PKNOX2: variants seen among roughly 807,000 people sequenced by gnomAD.
The protein encoded by PKNOX2 is PBX/knotted 1 homeobox 2.
Under a neutral mutation model 53.1 loss-of-function variants are expected in PKNOX2, and 14 were observed. The observed-to-expected ratio is 0.26, with a 90% CI of 0.17 to 0.41. The LOEUF is 0.41. Ranked by LOEUF, PKNOX2 falls within the 10% of genes least tolerant of loss-of-function variation. PKNOX2 has a pLI of 1.00. For synonymous variants in PKNOX2, 257 were observed against 242.8 expected, an observed-to-expected ratio of 1.06 and a Z score of -0.54; for missense variants, 496 against 602.8, an observed-to-expected ratio of 0.82 and a Z score of 1.85.
At chr11:125,309,361 G>C (rs11220017) in intron 2 of PKNOX2, among the ~76,000 whole-genome samples, 25,720 of 148,030 alleles carry the variant, frequency 0.17, 2,698 homozygotes, top group East Asian at 0.52. Context: ...CACCCATACA[G>C]TTTGCATTTT....
intron 1 of PKNOX2, among the ~76,000 whole-genome samples, chr11:125,189,383 G>A (rs11219961): frequency 8.7e-5 from 11 of 125,930 alleles, no homozygotes; most frequent in South Asian, 2.6e-4. Flanking sequence ...ATATATATAT[G>A]TGTGTATATA....
chr11:125,274,706 C>G (rs1946043416), intron 2 of PKNOX2, among the ~76,000 whole-genome samples: 1 of 152,150 alleles, frequency 6.6e-6, no homozygotes, highest in Non-Finnish European at 1.5e-5. Context: ...TGTCTACTCT[C>G]TTAGATGCTA....
intron 10 of PKNOX2, among the ~76,000 whole-genome samples, chr11:125,415,539 G>A (rs1002707379): frequency 7.2e-5 from 11 of 152,004 alleles, no homozygotes; most frequent in African/African-American, 1.9e-4. Flanking sequence ...CTTACAGGAC[G>A]AAGGGGCATG....
At chr11:125,265,849 G>A (rs1053043689) in intron 2 of PKNOX2, among the ~76,000 whole-genome samples, 3 of 152,032 alleles carry the variant, frequency 2.0e-5, no homozygotes, top group Non-Finnish European at 4.4e-5. Flanking sequence ...AGAGGAATAG[G>A]CGTTCCTCTC....
intron 3 of PKNOX2, among the ~76,000 whole-genome samples, chr11:125,332,403 T>C (rs1042819202): frequency 6.6e-6 from 1 of 152,190 alleles, no homozygotes; most frequent in Admixed American, 6.5e-5. Flanking sequence ...TTTTGATGCA[T>C]GGAAACTGCA....
chr11:125,184,762 G>A (rs887824582), intron 1 of PKNOX2, among the ~76,000 whole-genome samples: 3 of 152,176 alleles, frequency 2.0e-5, no homozygotes, highest in African/African-American at 7.2e-5. Context: ...TCGGAGGCTG[G>A]CTAGGCTGGC....
chr11:125,303,633 G>A (rs1186245504), intron 2 of PKNOX2, among the ~76,000 whole-genome samples: 1 of 152,144 alleles, frequency 6.6e-6, no homozygotes, highest in East Asian at 1.9e-4. Context: ...TCCTTATCAG[G>A]AAACCCACCC....
At chr11:125,315,420 G>C (rs1034194348) in intron 2 of PKNOX2, among the ~76,000 whole-genome samples, 1 of 151,978 alleles carries the variant, frequency 6.6e-6, no homozygotes, top group Admixed American at 6.6e-5. Context: ...CCCAGCCCAT[G>C]GGGTCTGCTA....
At chr11:125,276,210 G>A (rs770224690) in intron 2 of PKNOX2, among the ~76,000 whole-genome samples, 30 of 152,158 alleles carry the variant, frequency 2.0e-4, no homozygotes, top group Admixed American at 3.9e-4. Context: ...TCAGTGGAGC[G>A]GTGGGTAATA....
intron 2 of PKNOX2, among the ~76,000 whole-genome samples, chr11:125,321,943 C>T (rs763740736): frequency 2.0e-5 from 3 of 152,216 alleles, no homozygotes; most frequent in East Asian, 3.9e-4. Flanking sequence ...GGAGCTCACT[C>T]GAGTCTTTTT....
chr11:125,367,937 C>G lies in PKNOX2; in HGVS notation c.179C>G (p.Pro60Arg). Residue 60 changes from proline (P) to arginine (R), a missense_variant, in exon 5 of 13, where the codon CCC becomes CGC. This residue lies in a region of PKNOX2 where 168 missense variants were observed against 178.4 expected (regional missense o/e 0.94). Transcript: ENST00000298282. ...GCCAGCACACCTGTGCCCAGTGCCCCCATCGACCCCCAGGCCCAGCTGGAG... is the reference window on the plus strand; with the variant it reads ...GCCAGCACACCTGTGCCCAGTGCCCGCATCGACCCCCAGGCCCAGCTGGAG... ...AAASTPVPSA[P>R]IDPQAQLEAD... 1.2e-6 allele frequency: 2 copies of G among 1,613,442 alleles called. No homozygotes were observed. Among genetic ancestry groups the G allele is most frequent in the Non-Finnish European group, 1.7e-6 (2 of 1,179,724 alleles).
rs549640731 is a variant in PKNOX2 at position 125,212,200 on chromosome 11, T to G, written c.-200-22845T>G. Among the ~76,000 whole-genome samples, 36 of 152,156 alleles carry G rather than the reference T, an allele frequency of 2.4e-4. 1 individual carries two copies. The highest frequency in any genetic ancestry group is 7.9e-4 in the African/African-American group (33 of 41,536). On this transcript the variant is annotated intron_variant, in intron 1 of 12. Coordinates refer to ENST00000298282, the MANE Select transcript of PKNOX2 (RefSeq NM_001382323.2). Reference sequence around the variant, plus strand: ...TCATCTTCCCTTTGAAAGAGTTCCTTTGCAGCTGGTTAAGCAGGAGATCAG... The same window carrying G: ...TCATCTTCCCTTTGAAAGAGTTCCTGTGCAGCTGGTTAAGCAGGAGATCAG...
chr11:125,299,229 G>A (rs1057439103), intron 2 of PKNOX2, among the ~76,000 whole-genome samples: 8 of 152,150 alleles, frequency 5.3e-5, no homozygotes, highest in Non-Finnish European at 7.3e-5. Context: ...GCACCAAGCC[G>A]TTCATGAGGA....
At chr11:125,204,848 C>A (rs1410500180) in intron 1 of PKNOX2, among the ~76,000 whole-genome samples, 1 of 152,186 alleles carries the variant, frequency 6.6e-6, no homozygotes, top group Non-Finnish European at 1.5e-5. Context: ...CTGGGGTATA[C>A]CTGTTCTTGG....
intron 2 of PKNOX2, among the ~76,000 whole-genome samples, chr11:125,328,693 C>A (rs924275051): frequency 6.6e-6 from 1 of 152,170 alleles, no homozygotes; most frequent in African/African-American, 2.4e-5. Context: ...TTAGCACTTA[C>A]TACTGCAGGC....
At position 125,431,337 on chromosome 11, in the gene PKNOX2, T is replaced by A. The variant is rs1181160953; in HGVS notation, c.1364T>A (p.Leu455Gln). The A allele has an allele frequency of 6.2e-7, 1 of 1,613,646 alleles. No homozygotes were observed. Among genetic ancestry groups the A allele is most frequent in the Non-Finnish European group, 8.5e-7 (1 of 1,179,966 alleles). ...EEELEEEVDE[L>Q]QTTNVSDLGL... ...GAGCTGGAGGAGGAGGTCGACGAGC[T>A]GCAGACGACAAATGTCAGCGACCTG... The change falls in exon 13 of 13, where the codon CTG becomes CAG. Residue 455 changes from leucine to glutamine, a missense_variant. Around this residue, in one of 5 missense-constraint regions of PKNOX2, gnomAD observed 139 missense variants for 161.3 expected, o/e 0.86. Coordinates refer to ENST00000298282, the MANE Select transcript of PKNOX2 (RefSeq NM_001382323.2).
chr11:125,309,126 T>TCTTCCTTCCTTCCTTCCTTCCTTC (rs1472239897), intron 2 of PKNOX2, among the ~76,000 whole-genome samples: 1 of 147,992 alleles, frequency 6.8e-6, no homozygotes, highest in African/African-American at 2.6e-5. Flanking sequence ...CACAATTACC[T>TCTTCCTTCCTTCCTTCCTTCCTTC]CTTCCTTTCT....
chr11:125,245,840 G>A (rs1943520422), intron 2 of PKNOX2, among the ~76,000 whole-genome samples: 2 of 152,234 alleles, frequency 1.3e-5, no homozygotes, highest in Admixed American at 1.3e-4. Flanking sequence ...GGCTGGTCTG[G>A]AACCTTAGGA....
At chr11:125,198,696 G>A (rs1469954763) in intron 1 of PKNOX2, among the ~76,000 whole-genome samples, 1 of 151,962 alleles carries the variant, frequency 6.6e-6, no homozygotes, top group Non-Finnish European at 1.5e-5. Flanking sequence ...TCTGATCTAT[G>A]GGCCCCTCAG....
Sources: allele counts gnomAD v4.1 joint callset (sites outside exome capture counted in the v4.1 genomes callset), GRCh38; gene constraint gnomAD v4.1.1; regional missense constraint gnomAD v4.1.1; transcripts MANE v1.5; gene names NCBI Gene and HGNC (gene_info 2026-07-23, HGNC 2026-07-21).